The following EDIL3 variants were observed in gnomAD, a reference collection of about 807,000 sequenced individuals.
The protein encoded by EDIL3 is EGF like and discoidin domains 3.
A neutral mutation model predicts 67.4 loss-of-function variants in EDIL3; 37 were observed. The ratio of observed to expected loss-of-function variants is 0.55; its 90% CI spans 0.42 to 0.72. The LOEUF (loss-of-function observed/expected upper bound fraction) is 0.72, where lower values mean the gene tolerates loss of function less well. Ranked by LOEUF, EDIL3 falls within the 30% of genes least tolerant of loss-of-function variation. The pLI, the probability that EDIL3 is intolerant of heterozygous loss-of-function variation, is 0.00. For missense variants in EDIL3, 527 were observed against 586.3 expected (o/e 0.90, Z 1.04); for synonymous variants, 195 against 196.3 (o/e 0.99, Z 0.05).
chr5:84,138,761 G>A (rs947220862), intron 4 of EDIL3, among the ~76,000 whole-genome samples: 9 of 151,936 alleles, frequency 5.9e-5, no homozygotes, highest in Admixed American at 6.6e-5. Context: ...ATTTCCTTAG[G>A]TAATAACTTT....
At chr5:84,179,967 G>A (rs556533781) in intron 4 of EDIL3, among the ~76,000 whole-genome samples, 2 of 150,858 alleles carry the variant, frequency 1.3e-5, no homozygotes, top group South Asian at 4.2e-4. Context: ...ATGTAAGAAG[G>A]AGAAAACTGG....
At chr5:84,045,000 T>C (rs1183662471) in intron 9 of EDIL3, among the ~76,000 whole-genome samples, 1 of 152,116 alleles carries the variant, frequency 6.6e-6, no homozygotes, top group Non-Finnish European at 1.5e-5. Context: ...AAAGGTTTAA[T>C]GGACTCACAG....
At chr5:84,115,853 T>G (rs1053965798) in intron 5 of EDIL3, among the ~76,000 whole-genome samples, 3 of 152,232 alleles carry the variant, frequency 2.0e-5, no homozygotes, top group African/African-American at 7.2e-5. Context: ...AAAGAGGGAC[T>G]GAGTTGCTTG....
chr5:84,301,114 A>G (rs1032698746), intron 1 of EDIL3, among the ~76,000 whole-genome samples: 3 of 152,158 alleles, frequency 2.0e-5, no homozygotes, highest in Non-Finnish European at 2.9e-5. Flanking sequence ...TATTAAAAAT[A>G]CAAAATTAGC....
In EDIL3 at chr5:84,016,881, T is replaced by A. The variant is rs1028559382; in HGVS notation, c.1137+43419A>T. Reference sequence around the variant, plus strand: ...TCTTTGTATAAAGAGACACAAGAGATCACAGATGGCAGGCCCTGTGGGATG... The same window carrying A: ...TCTTTGTATAAAGAGACACAAGAGAACACAGATGGCAGGCCCTGTGGGATG... On this transcript the variant is annotated intron_variant, in intron 9 of 10. Coordinates refer to ENST00000296591, the MANE Select transcript of EDIL3 (RefSeq NM_005711.5). 8.5e-5 allele frequency among the ~76,000 whole-genome samples: 13 copies of A among 152,314 alleles called. No individual in the cohort carries two copies. In the East Asian group the frequency reaches 2.5e-3, roughly 29 times the overall value.
intron 1 of EDIL3, among the ~76,000 whole-genome samples, chr5:84,340,495 G>T (rs1747081329): frequency 1.2e-5 from 1 of 85,090 alleles, no homozygotes; most frequent in South Asian, 4.2e-4. Flanking sequence ...TTTCACAAAG[G>T]GAAGATTACT....
chr5:84,275,688 A>G (rs548427078), intron 1 of EDIL3, among the ~76,000 whole-genome samples: 2 of 152,322 alleles, frequency 1.3e-5, no homozygotes, highest in South Asian at 4.1e-4. Flanking sequence ...GTGATAATCT[A>G]GAATACTTGC....
chr5:84,174,075 C>T (rs1033245362), intron 4 of EDIL3, among the ~76,000 whole-genome samples: 1 of 152,134 alleles, frequency 6.6e-6, no homozygotes, highest in Non-Finnish European at 1.5e-5. Context: ...TCAGGGTGGC[C>T]TGCTGAAGAC....
At chr5:84,274,531 T>C (rs942575677) in intron 1 of EDIL3, among the ~76,000 whole-genome samples, 3 of 152,218 alleles carry the variant, frequency 2.0e-5, no homozygotes, top group African/African-American at 4.8e-5. Flanking sequence ...GCTTTATGTA[T>C]TTCTTTCACT....
chr5:84,183,962 C>T (rs373146079), intron 3 of EDIL3, among the ~76,000 whole-genome samples: 1 of 152,078 alleles, frequency 6.6e-6, no homozygotes, highest in Non-Finnish European at 1.5e-5. Context: ...CAAAATTAGC[C>T]GGGTGTAGTG....
rs1428334350 is a variant in EDIL3, at chr5:84,080,619, GAAAA to G, written c.652-14017_652-14014del. ...CAATTGATAAAATGTGACTGGAAAAGAAAAGGTTTTTTTCTATAAAAACATGAAA... is the reference window on the plus strand; with the variant it reads ...CAATTGATAAAATGTGACTGGAAAAGGGTTTTTTTCTATAAAAACATGAAA... On this transcript the variant is annotated intron_variant, in intron 6 of 10. Transcript: ENST00000296591. Among the ~76,000 whole-genome samples, 5 of 65,614 alleles carry G rather than the reference GAAAA, an allele frequency of 7.6e-5. No individual in the cohort carries two copies. The South Asian group carries it at 1.7e-3, about 22-fold the overall frequency. The allele number at this position is 65,614 out of a possible 152,430, so 43.0% of individuals were successfully genotyped here. A position where few individuals can be genotyped will look rare whatever the true frequency, so the allele number is the denominator to read the frequency against.
intron 1 of EDIL3, among the ~76,000 whole-genome samples, chr5:84,323,419 C>T (rs925408362): frequency 6.6e-6 from 1 of 151,528 alleles, no homozygotes; most frequent in Non-Finnish European, 1.5e-5. Flanking sequence ...ATAGAATATA[C>T]ACATAAGGAA....
At chr5:84,265,237 T>C (rs938299439) in intron 1 of EDIL3, among the ~76,000 whole-genome samples, 1 of 152,252 alleles carries the variant, frequency 6.6e-6, no homozygotes, top group Non-Finnish European at 1.5e-5. Context: ...AGTTACAGCA[T>C]GTAAAAGCCA....
intron 9 of EDIL3, among the ~76,000 whole-genome samples, chr5:84,039,592 A>G (rs1459489495): frequency 2.6e-5 from 4 of 152,210 alleles, no homozygotes; most frequent in Admixed American, 2.0e-4. Flanking sequence ...TCATCATTAT[A>G]TCAGCATCAT....
intron 9 of EDIL3, among the ~76,000 whole-genome samples, chr5:83,999,784 T>C (rs1745293421): frequency 6.6e-6 from 1 of 151,864 alleles, no homozygotes; most frequent in South Asian, 2.1e-4. Flanking sequence ...AATAACCAAG[T>C]ATATGAAGGT....
At chr5:84,329,072 T>C (rs1463125200) in intron 1 of EDIL3, among the ~76,000 whole-genome samples, 4 of 152,138 alleles carry the variant, frequency 2.6e-5, no homozygotes, top group Admixed American at 2.6e-4. Flanking sequence ...TATAAATTTA[T>C]TTCTTATAAT....
At chr5:84,122,655 G>A (rs1188350409) in intron 5 of EDIL3, among the ~76,000 whole-genome samples, 2 of 151,734 alleles carry the variant, frequency 1.3e-5, no homozygotes, top group African/African-American at 2.4e-5. Flanking sequence ...ACACGCTGGG[G>A]GTGTTCTGTT....
chr5:84,141,999 C>CTATCT (rs1554070005), intron 4 of EDIL3, among the ~76,000 whole-genome samples: 1 of 143,678 alleles, frequency 7.0e-6, no homozygotes, highest in African/African-American at 2.6e-5. Flanking sequence ...ATCTATCTAT[C>CTATCT]ATATTGAGCA....
At chr5:84,152,044 A>G (rs753128147) in intron 4 of EDIL3, among the ~76,000 whole-genome samples, 6 of 151,462 alleles carry the variant, frequency 4.0e-5, no homozygotes, top group Non-Finnish European at 8.8e-5. Flanking sequence ...CTCAGCCTCC[A>G]GAGTAGCTGG....
Sources: gnomAD v4.1 joint callset for allele counts (sites outside exome capture counted in the v4.1 genomes callset) on GRCh38, gnomAD v4.1.1 for gene constraint, MANE v1.5 for transcripts, NCBI Gene and HGNC (gene_info 2026-07-23, HGNC 2026-07-21) for gene names.